The following FCGRT variants were observed in gnomAD, a reference collection of about 807,000 sequenced individuals.
FCGRT encodes Fc gamma receptor and transporter.
FCGRT carries 13 observed loss-of-function variants against 35.7 expected under a neutral mutation model. The observed-to-expected ratio is 0.36, with a 90% CI of 0.24 to 0.58. The LOEUF (loss-of-function observed/expected upper bound fraction) is 0.58. FCGRT is among the 20% of genes least tolerant of loss of function. The probability of loss-of-function intolerance (pLI) is 0.77; values close to 1 mark genes in which losing one functional copy is unlikely to be tolerated. For missense variants in FCGRT, 455 were observed against 474.9 expected, an observed-to-expected ratio of 0.96 and a Z score of 0.39; for synonymous variants, 233 against 216.5, an observed-to-expected ratio of 1.08 and a Z score of -0.67.
chr19:49,517,031 A>C (rs895299246), intron 4 of FCGRT, among the ~76,000 whole-genome samples: 1 of 151,256 alleles, frequency 6.6e-6, no homozygotes, highest in Non-Finnish European at 1.5e-5. Flanking sequence ...CTCTACTAAA[A>C]ACTCAAAAAA....
chr19:49,517,017 G>T (rs1307794789), intron 4 of FCGRT, among the ~76,000 whole-genome samples: 1 of 151,418 alleles, frequency 6.6e-6, no homozygotes, highest in Admixed American at 6.6e-5. Flanking sequence ...TAGTAAGACC[G>T]CATCTCTACT....
intron 4 of FCGRT, among the ~76,000 whole-genome samples, chr19:49,516,569 G>T (rs1451043830): frequency 6.9e-6 from 1 of 144,846 alleles, no homozygotes; most frequent in Admixed American, 7.0e-5. Flanking sequence ...TGTTGTTGTT[G>T]TTTTTGAGAC....
intron 4 of FCGRT, 80 bp downstream of exon 4, chr19:49,514,566 C>G: frequency 2.3e-6 from 3 of 1,330,190 alleles, no homozygotes; most frequent in Non-Finnish European, 3.0e-6. Flanking sequence ...TGCCAGGACC[C>G]TCCATCAGCC....
Position 49,525,857 on chromosome 19 carries a change from C to A in FCGRT, c.989-153C>A, listed in dbSNP as rs958600486. ...GGCAAAGATGTAGAAAGAGGGGGGA[C>A]GGAAAATTGGGAGAAGGGGAGACAA... is the stretch of plus-strand genomic sequence containing the variant. On this transcript the variant is annotated intron_variant, in intron 6 of 6. Transcript: ENST00000221466. 9.7e-6 allele frequency: 7 copies of A among 724,234 alleles called. No homozygotes were observed. The East Asian group carries it at 1.7e-4, about 18-fold the overall frequency. 44.9% of individuals were successfully genotyped at this position (724,234 alleles called of 1,614,324 possible).
At chr19:49,514,787 G>A (rs1407531307) in intron 4 of FCGRT, among the ~76,000 whole-genome samples, 1 of 149,182 alleles carries the variant, frequency 6.7e-6, no homozygotes, top group Non-Finnish European at 1.5e-5. Context: ...TCCGCCTCCC[G>A]GGTTCAAGTG....
At chr19:49,524,109 C>T (rs1669616805) in intron 4 of FCGRT, among the ~76,000 whole-genome samples, 1 of 151,454 alleles carries the variant, frequency 6.6e-6, no homozygotes. Context: ...ACATCTGCCT[C>T]CCAGGTTCAA....
rs1204194307 is a variant in FCGRT at position 49,514,297 on chromosome 19, G to A, written c.412G>A (p.Glu138Lys). Reference protein sequence around the residue: ...VPTAKFALNGEEFMNFDLKQG... With the variant: ...VPTAKFALNGKEFMNFDLKQG... ...CACCGCCAAGTTCGCCCTGAACGGC[G>A]AGGAGTTCATGAATTTCGACCTCAA... The change falls in exon 4 of 7, where the codon GAG becomes AAG. Residue 138 changes from glutamate to lysine, a missense_variant. Coordinates refer to ENST00000221466, the MANE Select transcript of FCGRT (RefSeq NM_001136019.3). 2 of 1,613,002 alleles carry A rather than the reference G, an allele frequency of 1.2e-6. No individual in the cohort carries two copies. The highest frequency in any genetic ancestry group is 1.7e-5 in the Admixed American group (1 of 59,810).
intron 2 of FCGRT, 84 bp from the exon 3 acceptor site, chr19:49,513,798 A>AT (rs1230926725): frequency 3.0e-5 from 32 of 1,079,478 alleles, no homozygotes; most frequent in Admixed American, 2.2e-4. Flanking sequence ...TCCATAATAG[A>AT]TTCTTCTCCC....
chr19:49,522,426 A>T (rs2080046491), intron 4 of FCGRT, among the ~76,000 whole-genome samples: 1 of 150,162 alleles, frequency 6.7e-6, no homozygotes, highest in Non-Finnish European at 1.5e-5. Context: ...TAAATTTTTT[A>T]AAATTTTTAA....
chr19:49,519,093 C>T (rs948406795), intron 4 of FCGRT, among the ~76,000 whole-genome samples: 3 of 152,064 alleles, frequency 2.0e-5, no homozygotes, highest in African/African-American at 7.2e-5. Flanking sequence ...CCGCCTGCCT[C>T]AGCCTCCCAA....
chr19:49,525,399 T>A (rs185789719), intron 5 of FCGRT, 58 bp from the exon 6 acceptor site: 3 of 1,296,334 alleles, frequency 2.3e-6, no homozygotes, highest in Middle Eastern at 3.8e-4. Context: ...CAGTTCTGTG[T>A]CCTGACTGGG....
chr19:49,518,834 CGTA>C, intron 4 of FCGRT, among the ~76,000 whole-genome samples: 4 of 151,832 alleles, frequency 2.6e-5, no homozygotes, highest in Admixed American at 6.6e-5. Flanking sequence ...CGCGCTCGGC[CGTA>C]TTTTTGTTTT....
At position 49,526,063 on chromosome 19, in the gene FCGRT, G is replaced by A; in HGVS notation, c.1042G>A (p.Gly348Arg). 1 of 1,613,754 alleles carries A rather than the reference G, an allele frequency of 6.2e-7. No homozygotes were observed. Among genetic ancestry groups the A allele is most frequent in the Non-Finnish European group, 8.5e-7 (1 of 1,179,828 alleles). Residue 348 changes from glycine (G) to arginine (R), a missense_variant, in exon 7 of 7, where the codon GGG (glycine) becomes AGG (arginine). Gly to Arg is a moderately radical substitution (Grantham distance 125, BLOSUM62 -2). Coordinates refer to ENST00000221466, the MANE Select transcript of FCGRT (RefSeq NM_001136019.3). ...CACCGGGGTCCTCCTGCCCACCCCA[G>A]GGGAGGCCCAGGATGCTGATTTGAA... The part of the protein sequence containing the change: ...DDTGVLLPTP[G>R]EAQDADLKDV...
rs1158989934 is a variant in FCGRT, at chr19:49,513,955, G to A, written c.147G>A (p.Val49=). 6.2e-7 allele frequency: 1 copy of A among 1,613,862 alleles called. No homozygotes were observed. The highest frequency in any genetic ancestry group is 1.3e-5 in the African/African-American group (1 of 74,884). Residue 49 remains valine, a synonymous_variant, in exon 3 of 7, where the codon GTG becomes GTA. Coordinates refer to ENST00000221466, the MANE Select transcript of FCGRT (RefSeq NM_001136019.3). ...CCCCGGGGACTCCTGCCTTCTGGGT[G>A]TCCGGCTGGCTGGGCCCGCAGCAGT... The part of the protein sequence containing the change: ...SPAPGTPAFW[V]SGWLGPQQYL...
At chr19:49,513,218 C>A (rs1277578585) in intron 1 of FCGRT, 169 bp from the exon 2 acceptor site, 2 of 392,892 alleles carry the variant, frequency 5.1e-6, no homozygotes, top group African/African-American at 4.1e-5. Context: ...CAACTGAGAT[C>A]CAGTTCAGGG....
chr19:49,522,168 A>C (rs1310358388), intron 4 of FCGRT, among the ~76,000 whole-genome samples: 1 of 150,694 alleles, frequency 6.6e-6, no homozygotes, highest in Non-Finnish European at 1.5e-5. Context: ...TCCAGCCTCA[A>C]ACTCCTGGGC....
At chr19:49,517,017 G>A (rs1307794789) in intron 4 of FCGRT, among the ~76,000 whole-genome samples, 5 of 151,418 alleles carry the variant, frequency 3.3e-5, no homozygotes, top group Non-Finnish European at 7.4e-5. Context: ...TAGTAAGACC[G>A]CATCTCTACT....
At chr19:49,517,458 T>G (rs1313321738) in intron 4 of FCGRT, among the ~76,000 whole-genome samples, 1 of 150,368 alleles carries the variant, frequency 6.7e-6, no homozygotes, top group Non-Finnish European at 1.5e-5. Flanking sequence ...GCCACTGCAC[T>G]CCAGCCTGGG....
Position 49,524,725 on chromosome 19 carries a change from T to C in FCGRT, c.820T>C (p.Cys274Arg), listed in dbSNP as rs745400633. Residue 274 changes from cysteine to arginine, a missense_variant, in exon 5 of 7, where the codon TGC becomes CGC. By Grantham distance (180) the Cys-to-Arg change is radical. Coordinates refer to ENST00000221466, the MANE Select transcript of FCGRT (RefSeq NM_001136019.3). ...CAAAAGTGGCGATGAGCACCACTAC[T>C]GCTGCATTGTGCAGCACGCGGGGCT... ...TVKSGDEHHY[C>R]CIVQHAGLAQ... 2 of 1,602,208 alleles carry C rather than the reference T, an allele frequency of 1.2e-6. No homozygotes were observed. Among genetic ancestry groups the C allele is most frequent in the Admixed American group, 1.7e-5 (1 of 60,014 alleles).
Sources: allele counts gnomAD v4.1 joint callset (sites outside exome capture counted in the v4.1 genomes callset), GRCh38; gene constraint gnomAD v4.1.1; transcripts MANE v1.5; gene names NCBI Gene and HGNC (gene_info 2026-07-23, HGNC 2026-07-21).